ABCC8: variants seen among roughly 807,000 people sequenced by gnomAD.
The protein encoded by ABCC8 is ATP-binding cassette sub-family C member 8.
In ABCC8, 137 loss-of-function variants were observed where a neutral mutation model predicts 188.0. The ratio of observed to expected loss-of-function variants is 0.73; its 90% CI spans 0.63 to 0.84. The LOEUF is 0.84. ABCC8 is among the 40% of genes least tolerant of loss of function. The probability of loss-of-function intolerance (pLI) is 0.00; values close to 1 mark genes in which losing one functional copy is unlikely to be tolerated. For synonymous variants in ABCC8, 797 were observed against 846.5 expected (o/e 0.94, Z 1.01); for missense variants, 1,750 against 2,072.7 (o/e 0.84, Z 3.02).
intron 26 of ABCC8, chr11:17,405,776 A>G: frequency 1.9e-6 from 1 of 540,456 alleles, no homozygotes; most frequent in Non-Finnish European, 2.4e-6. Flanking sequence ...TCAGTTTCTC[A>G]AGCCCATCTG....
At chr11:17,407,223 G>A (rs1040229068) in intron 24 of ABCC8, 94 bp from the exon 25 acceptor site, 22 of 1,605,338 alleles carry the variant, frequency 1.4e-5, no homozygotes, top group Admixed American at 1.3e-4. Flanking sequence ...AGGGGACAAC[G>A]GGGGCACACA....
Position 17,406,809 on chromosome 11 carries a change from T to C in ABCC8, c.3163-21A>G, listed in dbSNP as rs772134960. 1.4e-5 allele frequency: 23 copies of C among 1,614,022 alleles called. No individual in the cohort carries two copies. In the East Asian group the frequency reaches 3.8e-4, roughly 27 times the overall value. Reference sequence around the variant, plus strand: ...CACTCCTTCACAGGCAGAGAGTGATTTGGAGTTCCAGGGTGCCCATGGGCT... The same window carrying C: ...CACTCCTTCACAGGCAGAGAGTGATCTGGAGTTCCAGGGTGCCCATGGGCT... On this transcript the variant is annotated intron_variant, in intron 25 of 38. Coordinates refer to ENST00000389817, the MANE Select transcript of ABCC8 (RefSeq NM_000352.6).
At chr11:17,456,414 G>A (rs1183505235) in intron 6 of ABCC8, among the ~76,000 whole-genome samples, 1 of 152,158 alleles carries the variant, frequency 6.6e-6, no homozygotes, top group Non-Finnish European at 1.5e-5. Context: ...TCTACAGTTT[G>A]GAGCCCCATT....
intron 22 of ABCC8, among the ~76,000 whole-genome samples, chr11:17,409,764 G>A (rs940778213): frequency 1.3e-5 from 2 of 152,154 alleles, no homozygotes; most frequent in Non-Finnish European, 2.9e-5. Flanking sequence ...AAAATTAAGT[G>A]CTTTCTAATG....
intron 10 of ABCC8, chr11:17,432,485 C>A (rs991069320): frequency 7.9e-6 from 6 of 763,892 alleles, no homozygotes; most frequent in Non-Finnish European, 1.2e-5. Flanking sequence ...TAAGTCACTC[C>A]GTGTGGACAG....
chr11:17,443,220 G>C lies in ABCC8; in HGVS notation c.1425C>G (p.Tyr475Ter), dbSNP rs750945369. The C allele has an allele frequency of 6.2e-7, 1 of 1,614,222 alleles. No homozygotes were observed. The highest frequency in any genetic ancestry group is 8.5e-7 in the Non-Finnish European group (1 of 1,180,046). Reference sequence around the variant, plus strand: ...CCTGAGACAGCTTGGTGGCCACGAAGTACTGGACAGGAGCCAGTAGAATGA... The same window carrying C: ...CCTGAGACAGCTTGGTGGCCACGAACTACTGGACAGGAGCCAGTAGAATGA... ...AVIILLAPVQYFVATKLSQAQ... is the reference protein window; with the variant it reads ...AVIILLAPVQ Residue 475 changes from tyrosine (Y) to a stop codon, truncating the protein, a stop_gained, in exon 9 of 39, where the codon TAC becomes TAG. Coordinates refer to ENST00000389817, the MANE Select transcript of ABCC8 (RefSeq NM_000352.6). LOFTEE classifies it high-confidence loss of function.
At chr11:17,419,233 G>C (rs916828) in intron 16 of ABCC8, among the ~76,000 whole-genome samples, 60,665 of 152,136 alleles carry the variant, frequency 0.4, 14,055 homozygotes, top group African/African-American at 0.65. Context: ...GTGCTGAGGG[G>C]ATTCGATTCC....
intron 38 of ABCC8, chr11:17,393,355 C>G (rs750511488): frequency 4.8e-5 from 33 of 684,698 alleles, no homozygotes; most frequent in Middle Eastern, 4.0e-4. Context: ...TACCCCACCT[C>G]CAGGCTTCAA....
At chr11:17,423,406 G>A (rs369879333) in intron 16 of ABCC8, among the ~76,000 whole-genome samples, 1 of 143,056 alleles carries the variant, frequency 7.0e-6, no homozygotes, top group African/African-American at 2.6e-5. Context: ...AGTCACCTTT[G>A]CACTCCTGTT....
chr11:17,442,786 C>T lies in ABCC8; in HGVS notation c.1564G>A (p.Val522Met), dbSNP rs374624209. Reference protein sequence around the residue: ...YAWENIFRTRVETTRRKEMTS... With the variant: ...YAWENIFRTRMETTRRKEMTS... ...ATCTCCTTCCTGCGGGTCGTCTCCA[C>T]CCGCGTGCGGAAGATGTTCTCCCAG... Residue 522 changes from valine to methionine, a missense_variant, in exon 10 of 39, where the codon GTG (valine) becomes ATG (methionine). Transcript: ENST00000389817. 5.0e-6 allele frequency: 8 copies of T among 1,613,948 alleles called. No individual in the cohort carries two copies. Among genetic ancestry groups the T allele is most frequent in the Non-Finnish European group, 6.8e-6 (8 of 1,180,044 alleles).
intron 29 of ABCC8, among the ~76,000 whole-genome samples, chr11:17,399,379 C>T (rs904452878): frequency 2.0e-5 from 3 of 151,944 alleles, no homozygotes; most frequent in Non-Finnish European, 4.4e-5. Flanking sequence ...CTAATTCCTG[C>T]CACAAACACC....
At chr11:17,406,215 A>T (rs994025917) in intron 26 of ABCC8, among the ~76,000 whole-genome samples, 5 of 152,154 alleles carry the variant, frequency 3.3e-5, no homozygotes, top group Non-Finnish European at 5.9e-5. Flanking sequence ...GGAAATTATT[A>T]ATAGAACAGC....
rs1475719569 is a variant in ABCC8, at chr11:17,395,752, C to A, written c.4199-34G>T. Reference sequence around the variant, plus strand: ...GTCCCAGTGAGGGTGCAGGGGAAGGCGGTGACTGCTGGGCCTCCTGTCATG... The same window carrying A: ...GTCCCAGTGAGGGTGCAGGGGAAGGAGGTGACTGCTGGGCCTCCTGTCATG... On this transcript the variant is annotated intron_variant, in intron 34 of 38. Coordinates refer to ENST00000389817, the MANE Select transcript of ABCC8 (RefSeq NM_000352.6). 6.4e-6 allele frequency: 10 copies of A among 1,552,380 alleles called. No homozygotes were observed. In the South Asian group the frequency reaches 1.1e-4, roughly 17 times the overall value.
chr11:17,462,589 A>G lies in ABCC8; in HGVS notation c.580-764T>C, dbSNP rs554928916. On this transcript the variant is annotated intron_variant, in intron 4 of 38. Coordinates refer to ENST00000389817, the MANE Select transcript of ABCC8 (RefSeq NM_000352.6). ...AATAAAAGCAGCAATACATAAATAT[A>G]TAAGTATGTTCAACACACCATTATT... 6.6e-5 allele frequency among the ~76,000 whole-genome samples: 10 copies of G among 152,366 alleles called. No individual in the cohort carries two copies. In the South Asian group the frequency reaches 1.9e-3, roughly 28 times the overall value.
intron 2 of ABCC8, among the ~76,000 whole-genome samples, chr11:17,472,964 GCC>G (rs1848560554): frequency 6.6e-6 from 1 of 152,114 alleles, no homozygotes; most frequent in African/African-American, 2.4e-5. Flanking sequence ...CCAACACCCT[GCC>G]CAGGGATCTT....
chr11:17,436,015 A>G, intron 10 of ABCC8: 7 of 1,370,840 alleles, frequency 5.1e-6, no homozygotes, highest in Non-Finnish European at 7.3e-6. Flanking sequence ...GTAGATAGTG[A>G]TGTGGGGAGA....
In ABCC8 at chr11:17,463,458, C is replaced by T. The variant is rs775949959; in HGVS notation, c.559G>A (p.Val187Ile). The T allele has an allele frequency of 4.4e-6, 7 of 1,605,576 alleles. No homozygotes were observed. In the South Asian group the frequency reaches 7.9e-5, roughly 18 times the overall value. The part of the protein sequence containing the change: ...ILYGMLLLVE[V>I]NVIRVRRYIF... The stretch of plus-strand genomic sequence containing the variant: ...CTTACCCTCACCCTGATGACATTGA[C>T]CTCCACGAGGAGCAGCATCCCATAG... The change falls in exon 4 of 39, where the codon GTC becomes ATC. Residue 187 changes from valine (V) to isoleucine (I), a missense_variant. Val to Ile is a conservative substitution (Grantham distance 29). Coordinates refer to ENST00000389817, the MANE Select transcript of ABCC8 (RefSeq NM_000352.6).
chr11:17,412,219 TG>T (rs1954845696), intron 21 of ABCC8, among the ~76,000 whole-genome samples: 1 of 152,154 alleles, frequency 6.6e-6, no homozygotes, highest in Non-Finnish European at 1.5e-5. Flanking sequence ...TGATGGCTAG[TG>T]GTTACCTGGA....
intron 19 of ABCC8, among the ~76,000 whole-genome samples, chr11:17,414,161 C>T (rs1179438582): frequency 2.0e-5 from 3 of 152,196 alleles, no homozygotes; most frequent in East Asian, 1.9e-4. Context: ...AGAGCGCAGT[C>T]GATGCTAGCC....
Sources: allele counts gnomAD v4.1 joint callset (sites outside exome capture counted in the v4.1 genomes callset), GRCh38; gene constraint gnomAD v4.1.1; transcripts MANE v1.5; gene names NCBI Gene and HGNC (gene_info 2026-07-23, HGNC 2026-07-21).